GRM8: variants seen among roughly 807,000 people sequenced by gnomAD.
The protein encoded by GRM8 is metabotropic glutamate receptor 8.
A neutral mutation model predicts 87.2 loss-of-function variants in GRM8; 47 were observed. That is an observed-to-expected ratio of 0.54 (90% CI 0.43 to 0.69). GRM8 has a LOEUF of 0.69. Among genes scored for constraint, GRM8 ranks in the 30% least tolerant of loss-of-function variants. GRM8 has a pLI of 0.00. For synonymous variants in GRM8, 396 were observed against 404.5 expected, an observed-to-expected ratio of 0.98 and a Z score of 0.25; for missense variants, 1,019 against 1,139.2, an observed-to-expected ratio of 0.89 and a Z score of 1.52.
intron 3 of GRM8, among the ~76,000 whole-genome samples, chr7:126,947,617 T>C (rs959803298): frequency 5.9e-5 from 9 of 152,092 alleles, no homozygotes; most frequent in Non-Finnish European, 1.3e-4. Context: ...AAAGAGGCTA[T>C]TGGACTTATT....
intron 7 of GRM8, among the ~76,000 whole-genome samples, chr7:126,675,140 C>G (rs1806815999): frequency 6.6e-6 from 1 of 152,048 alleles, no homozygotes; most frequent in Admixed American, 6.5e-5. Context: ...TTTGAAGCAA[C>G]AACATTGATG....
intron 3 of GRM8, among the ~76,000 whole-genome samples, chr7:127,077,671 A>G (rs1822426597): frequency 6.6e-6 from 1 of 152,202 alleles, no homozygotes; most frequent in Non-Finnish European, 1.5e-5. Context: ...TGACCAGTAG[A>G]CATGCCCATT....
intron 2 of GRM8, among the ~76,000 whole-genome samples, chr7:127,236,143 T>C (rs1797969915): frequency 6.6e-6 from 1 of 152,234 alleles, no homozygotes; most frequent in South Asian, 2.1e-4. Context: ...CACATTTTTT[T>C]TGGTGTATGG....
chr7:126,751,284 G>A (rs1816380656), intron 7 of GRM8, among the ~76,000 whole-genome samples: 1 of 134,386 alleles, frequency 7.4e-6, no homozygotes, highest in Non-Finnish European at 1.7e-5. Context: ...TTTTTGTATG[G>A]CTTCTTTTTT....
At chr7:126,978,441 C>G (rs1320080110) in intron 3 of GRM8, among the ~76,000 whole-genome samples, 3 of 152,192 alleles carry the variant, frequency 2.0e-5, no homozygotes. Flanking sequence ...ATCTGATCAG[C>G]ATGCTCAAAT....
intron 9 of GRM8, among the ~76,000 whole-genome samples, chr7:126,498,205 A>G (rs1809069108): frequency 6.6e-6 from 1 of 151,934 alleles, no homozygotes; most frequent in African/African-American, 2.4e-5. Context: ...TGCATATTGA[A>G]GCTGCAAGTA....
intron 7 of GRM8, among the ~76,000 whole-genome samples, chr7:126,769,658 T>C (rs1161599750): frequency 1.3e-5 from 2 of 152,044 alleles, no homozygotes; most frequent in African/African-American, 4.8e-5. Context: ...ATTTTAAACT[T>C]TTGCCTCCTT....
At chr7:127,149,158 A>T (rs1828712616) in intron 2 of GRM8, among the ~76,000 whole-genome samples, 1 of 152,078 alleles carries the variant, frequency 6.6e-6, no homozygotes, top group African/African-American at 2.4e-5. Context: ...TGGGAAAAAA[A>T]ATACTGCAAA....
chr7:126,808,191 A>G (rs536585700), intron 6 of GRM8, among the ~76,000 whole-genome samples: 2 of 152,332 alleles, frequency 1.3e-5, no homozygotes, highest in South Asian at 2.1e-4. Flanking sequence ...CTGAGTTACA[A>G]TATCATACAG....
chr7:126,705,965 C>A (rs1284084046), intron 7 of GRM8, among the ~76,000 whole-genome samples: 1 of 151,048 alleles, frequency 6.6e-6, no homozygotes, highest in Non-Finnish European at 1.5e-5. Flanking sequence ...TAAAGAAGAC[C>A]CAAGTAATCA....
chr7:126,958,450 A>G (rs1441580329), intron 3 of GRM8, among the ~76,000 whole-genome samples: 1 of 152,126 alleles, frequency 6.6e-6, no homozygotes, highest in Non-Finnish European at 1.5e-5. Context: ...CGCTTGCGGT[A>G]TGTCTGGTCC....
chr7:126,672,782 C>T (rs984205386), intron 7 of GRM8, among the ~76,000 whole-genome samples: 2 of 152,034 alleles, frequency 1.3e-5, no homozygotes, highest in Admixed American at 1.3e-4. Context: ...TTTCTAATAA[C>T]GTGGTGTATC....
chr7:126,460,212 C>T (rs1182997149), intron 9 of GRM8, among the ~76,000 whole-genome samples: 1 of 151,530 alleles, frequency 6.6e-6, no homozygotes, highest in Non-Finnish European at 1.5e-5. Context: ...CTAGCTATGG[C>T]TGAAGCACTC....
At chr7:126,724,543 T>C (rs1323489307) in intron 7 of GRM8, among the ~76,000 whole-genome samples, 1 of 152,172 alleles carries the variant, frequency 6.6e-6, no homozygotes, top group Non-Finnish European at 1.5e-5. Flanking sequence ...GCCTTTTTCA[T>C]GTCAATCCAC....
At chr7:126,497,497 ATGACTGGCTG>A (rs1219949820) in intron 9 of GRM8, among the ~76,000 whole-genome samples, 9 of 151,942 alleles carry the variant, frequency 5.9e-5, no homozygotes, top group Non-Finnish European at 1.3e-4. Flanking sequence ...TTCTTGTCAA[ATGACTGGCTG>A]TGTATGTAGA....
intron 6 of GRM8, among the ~76,000 whole-genome samples, chr7:126,897,612 T>C (rs1305309946): frequency 2.0e-5 from 3 of 152,050 alleles, no homozygotes; most frequent in South Asian, 2.1e-4. Flanking sequence ...TAAAAGTCTA[T>C]AAAATAACAC....
At chr7:126,726,520 T>C (rs1364264771) in intron 7 of GRM8, among the ~76,000 whole-genome samples, 1 of 152,092 alleles carries the variant, frequency 6.6e-6, no homozygotes, top group Admixed American at 6.6e-5. Flanking sequence ...ATCCTCCAAG[T>C]GGTCAACAAT....
At chr7:126,628,374 G>C (rs1800905404) in intron 7 of GRM8, among the ~76,000 whole-genome samples, 1 of 152,116 alleles carries the variant, frequency 6.6e-6, no homozygotes, top group Admixed American at 6.6e-5. Flanking sequence ...GCCTGCAAAT[G>C]TTTGAGTAAA....
intron 8 of GRM8, among the ~76,000 whole-genome samples, chr7:126,581,455 G>A (rs73722651): frequency 0.024 from 3,688 of 152,202 alleles, 100 homozygotes; most frequent in African/African-American, 0.072. Context: ...ACCTGATAAA[G>A]AGTGAGAAGA....
Sources: allele counts gnomAD v4.1 joint callset (sites outside exome capture counted in the v4.1 genomes callset), GRCh38; gene constraint gnomAD v4.1.1; transcripts MANE v1.5; gene names NCBI Gene and HGNC (gene_info 2026-07-23, HGNC 2026-07-21).